AMZ1: variants seen among roughly 807,000 people sequenced by gnomAD.
The protein encoded by AMZ1 is archaelysin family metallopeptidase 1.
AMZ1 carries 39 observed loss-of-function variants against 29.9 expected under a neutral mutation model. The observed-to-expected ratio is 1.30, with a 90% CI of 1.01 to 1.70. The LOEUF (loss-of-function observed/expected upper bound fraction) is 1.70, where lower values mean the gene tolerates loss of function less well. Among genes scored for constraint, AMZ1 ranks in the 40% most tolerant of loss-of-function variants. AMZ1 has a pLI of 0.00. For missense variants in AMZ1, 1,041 were observed against 680.6 expected, an observed-to-expected ratio of 1.53 and a Z score of -5.89; for synonymous variants, 458 against 304.0, an observed-to-expected ratio of 1.51 and a Z score of -5.27.
upstream of AMZ1, among the ~76,000 whole-genome samples, chr7:2,683,323 C>T (rs1374076647): frequency 6.6e-6 from 1 of 152,210 alleles, no homozygotes; most frequent in Non-Finnish European, 1.5e-5. Flanking sequence ...CCTGCCTCTT[C>T]CTGCTTCTGG....
At chr7:2,688,942 T>G (rs1252900415) in intron 1 of AMZ1, among the ~76,000 whole-genome samples, 1 of 152,228 alleles carries the variant, frequency 6.6e-6, no homozygotes, top group Non-Finnish European at 1.5e-5. Context: ...GGGTCCTTTC[T>G]GCCCCCATCA....
Position 2,700,469 on chromosome 7 carries a change from C to T in AMZ1, c.18C>T (p.Pro6=), listed in dbSNP as rs771920249. The change falls in exon 2 of 7, where the codon CCC becomes CCT. Residue 6 remains proline (P), a synonymous_variant. Transcript: ENST00000683327. Reference sequence around the variant, plus strand: ...CGCCCACCATGCTGCAGTGTAGACCCGCACAGGAGTTCAGCTTCGGGCCCC... The same window carrying T: ...CGCCCACCATGCTGCAGTGTAGACCTGCACAGGAGTTCAGCTTCGGGCCCC... The part of the protein sequence containing the change: MLQCR[P]AQEFSFGPRA... 35 of 1,601,610 alleles carry T rather than the reference C, an allele frequency of 2.2e-5. No homozygotes were observed. Among genetic ancestry groups the T allele is most frequent in the East Asian group, 2.0e-4 (9 of 44,888 alleles).
rs1025439933 is a variant in AMZ1, at chr7:2,718,940, G to C, written c.*6062G>C. On this transcript the variant is annotated 3_prime_UTR_variant, in exon 7 of 7. Coordinates refer to ENST00000683327, the MANE Select transcript of AMZ1 (RefSeq NM_001384743.1). ...TTAACACAGGCAGGGGTACAGGAGA[G>C]CTCCGGCCATTTATTCCAAATGTAT... Among the ~76,000 whole-genome samples the C allele has an allele frequency of 6.6e-6, 1 of 152,168 alleles. No homozygotes were observed. The highest frequency in any genetic ancestry group is 2.4e-5 in the African/African-American group (1 of 41,440).
chr7:2,689,826 A>T (rs1787281278), intron 1 of AMZ1, among the ~76,000 whole-genome samples: 1 of 152,154 alleles, frequency 6.6e-6, no homozygotes, highest in Admixed American at 6.5e-5. Context: ...TGGAGCATGG[A>T]TGGGTTGGTG....
upstream of AMZ1, among the ~76,000 whole-genome samples, chr7:2,760,161 C>T (rs776758631): frequency 6.6e-6 from 1 of 152,242 alleles, no homozygotes; most frequent in African/African-American, 2.4e-5. Flanking sequence ...TGCTTTCTTC[C>T]CATCGCCCGC....
At chr7:2,703,024 T>G (rs1788151441) in intron 3 of AMZ1, 135 bp downstream of exon 3, 2 of 1,295,692 alleles carry the variant, frequency 1.5e-6, no homozygotes, top group African/African-American at 1.5e-5. Flanking sequence ...CCCAGGTGTT[T>G]GGGAAGCAGG....
intron 6 of AMZ1, among the ~76,000 whole-genome samples, chr7:2,710,183 C>A (rs1788679269): frequency 6.7e-6 from 1 of 148,810 alleles, no homozygotes; most frequent in Non-Finnish European, 1.5e-5. Context: ...ACTTGGGTCA[C>A]TGCTGCTCAG....
upstream of AMZ1, chr7:2,762,623 C>T (rs1791615148): frequency 6.4e-7 from 1 of 1,569,970 alleles, no homozygotes; most frequent in Non-Finnish European, 8.6e-7. Flanking sequence ...CCGGATAAGA[C>T]CCCAATGCCA....
intron 4 of AMZ1, among the ~76,000 whole-genome samples, chr7:2,748,143 G>C (rs978555008): frequency 4.0e-5 from 6 of 150,714 alleles, no homozygotes; most frequent in African/African-American, 9.8e-5. Flanking sequence ...TTTCTTCACA[G>C]AATTGGAAAA....
upstream of AMZ1, among the ~76,000 whole-genome samples, chr7:2,686,599 G>T (rs935324927): frequency 4.6e-5 from 7 of 152,188 alleles, no homozygotes; most frequent in African/African-American, 1.7e-4. Flanking sequence ...TGTCTGACAA[G>T]AAGGTGAGAG....
At chr7:2,679,746 T>C (rs1297218656) in intron 1 of AMZ1, 1 of 152,258 alleles carries the variant, frequency 6.6e-6, no homozygotes, top group Non-Finnish European at 1.5e-5. Flanking sequence ...GAAGCCTAAA[T>C]GTGGGGTGGG....
rs369341451 is a variant in AMZ1, at chr7:2,719,365, G to T, written c.*6487G>T. On this transcript the variant is annotated 3_prime_UTR_variant, in exon 7 of 7. Coordinates refer to ENST00000683327, the MANE Select transcript of AMZ1 (RefSeq NM_001384743.1). ...GGAGCAATGCCTAAAGAGGGCAAAGGCCCGCGCGCCTGGCAGAGCTCCCTC... is the reference window on the plus strand; with the variant it reads ...GGAGCAATGCCTAAAGAGGGCAAAGTCCCGCGCGCCTGGCAGAGCTCCCTC... 3.3e-5 allele frequency among the ~76,000 whole-genome samples: 5 copies of T among 152,348 alleles called. No individual in the cohort carries two copies. The East Asian group carries it at 7.7e-4, about 24-fold the overall frequency.
At chr7:2,749,645 A>G (rs1003093511) in intron 4 of AMZ1, among the ~76,000 whole-genome samples, 4 of 152,194 alleles carry the variant, frequency 2.6e-5, no homozygotes, top group Non-Finnish European at 5.9e-5. Flanking sequence ...CATGTACCCT[A>G]GAACTTAAAG....
At chr7:2,759,556 A>G (rs1056133246) in intron 4 of AMZ1, among the ~76,000 whole-genome samples, 3 of 152,222 alleles carry the variant, frequency 2.0e-5, no homozygotes, top group Non-Finnish European at 2.9e-5. Context: ...ATACTAGAAT[A>G]GTGGTGACGC....
upstream of AMZ1, among the ~76,000 whole-genome samples, chr7:2,759,930 C>T (rs1011932051): frequency 2.6e-5 from 4 of 152,214 alleles, no homozygotes; most frequent in African/African-American, 9.6e-5. Context: ...CTGCCACCTG[C>T]TCCTGCCAAG....
chr7:2,711,602 T>C (rs1160436313), intron 6 of AMZ1, among the ~76,000 whole-genome samples: 2 of 152,140 alleles, frequency 1.3e-5, no homozygotes, highest in Non-Finnish European at 1.5e-5. Context: ...TACATTTTTT[T>C]CCCCCTGGTG....
At chr7:2,752,033 C>T (rs1271764408) in intron 4 of AMZ1, among the ~76,000 whole-genome samples, 1 of 152,062 alleles carries the variant, frequency 6.6e-6, no homozygotes, top group East Asian at 1.9e-4. Context: ...CCCACACCGA[C>T]AAGATTATCA....
chr7:2,691,022 T>C (rs1228361594), intron 1 of AMZ1, among the ~76,000 whole-genome samples: 1 of 146,684 alleles, frequency 6.8e-6, no homozygotes, highest in Non-Finnish European at 1.5e-5. Context: ...GCGTCTGTAG[T>C]CCCAGCTACT....
upstream of AMZ1, among the ~76,000 whole-genome samples, chr7:2,685,329 G>A (rs915051501): frequency 1.1e-4 from 16 of 150,512 alleles, no homozygotes; most frequent in Non-Finnish European, 2.1e-4. Context: ...AGGCCAAGGC[G>A]GGTGGATCAC....
Sources: allele counts gnomAD v4.1 joint callset (sites outside exome capture counted in the v4.1 genomes callset), GRCh38; gene constraint gnomAD v4.1.1; transcripts MANE v1.5; gene names NCBI Gene and HGNC (gene_info 2026-07-23, HGNC 2026-07-21).